The following IL7R variants were observed in gnomAD, a reference collection of about 807,000 sequenced individuals.
IL7R encodes the protein interleukin-7 receptor subunit alpha.
Under a neutral mutation model 47.0 loss-of-function variants are expected in IL7R, and 38 were observed. That is an observed-to-expected ratio of 0.81 (90% CI 0.62 to 1.06). The LOEUF is 1.06. IL7R is among the 50% of genes least tolerant of loss of function. The pLI is 0.00. For missense variants in IL7R, 633 were observed against 534.8 expected, an observed-to-expected ratio of 1.18 and a Z score of -1.81; for synonymous variants, 221 against 199.8, an observed-to-expected ratio of 1.11 and a Z score of -0.89.
At chr5:35,862,038 T>A (rs2077892018) in intron 2 of IL7R, among the ~76,000 whole-genome samples, 1 of 152,166 alleles carries the variant, frequency 6.6e-6, no homozygotes, top group South Asian at 2.1e-4. Flanking sequence ...GCTTCCTGCA[T>A]CTATTTATGG....
In IL7R at chr5:35,876,597, C is replaced by A. The variant is rs138148579; in HGVS notation, c.*111C>A. On this transcript the variant is annotated 3_prime_UTR_variant, in exon 8 of 8. Coordinates refer to ENST00000303115, the MANE Select transcript of IL7R (RefSeq NM_002185.5). ...ACAGAGAAGACAAAATTAGCAAAAC[C>A]CCACTACACAGTCTGCAAGATTCTG... 5.3e-5 allele frequency: 60 copies of A among 1,128,020 alleles called. No homozygotes were observed. In the African/African-American group the frequency reaches 7.2e-4, roughly 14 times the overall value. 69.9% of individuals were successfully genotyped at this position (1,128,020 alleles called of 1,614,324 possible).
At position 35,877,779 on chromosome 5, in the gene IL7R, C is replaced by T; in HGVS notation, c.*1293C>T. 4.3e-6 allele frequency: 1 copy of T among 233,224 alleles called. No individual in the cohort carries two copies. The highest frequency in any genetic ancestry group is 8.5e-6 in the Non-Finnish European group (1 of 118,032). 14.4% of individuals were successfully genotyped at this position (233,224 alleles called of 1,614,324 possible). On this transcript the variant is annotated 3_prime_UTR_variant, in exon 8 of 8. Transcript: ENST00000303115. ...TTAATGCTTGACATATATCATCTTG[C>T]CTTTCTTGGTCTAGACTGACTTCTA... is the stretch of plus-strand genomic sequence containing the variant.
In IL7R at chr5:35,876,379, A is replaced by T. The variant is rs1179271375; in HGVS notation, c.1273A>T (p.Ile425Phe). ...CCCTCCATTTTCTCTCCAATCTGGAATCCTGACATTGAACCCAGTTGCTCA... is the reference window on the plus strand; with the variant it reads ...CCCTCCATTTTCTCTCCAATCTGGATTCCTGACATTGAACCCAGTTGCTCA... The part of the protein sequence containing the change: ...LPPPFSLQSG[I>F]LTLNPVAQGQ... The change falls in exon 8 of 8, where the codon ATC becomes TTC. Residue 425 changes from isoleucine (I) to phenylalanine (F), a missense_variant. Coordinates refer to ENST00000303115, the MANE Select transcript of IL7R (RefSeq NM_002185.5). 1.2e-6 allele frequency: 2 copies of T among 1,613,614 alleles called. No individual in the cohort carries two copies. Among genetic ancestry groups the T allele is most frequent in the African/African-American group, 2.7e-5 (2 of 74,888 alleles).
At chr5:35,872,176 A>C (rs2149902463) in intron 4 of IL7R, among the ~76,000 whole-genome samples, 1 of 152,326 alleles carries the variant, frequency 6.6e-6, no homozygotes, top group South Asian at 2.1e-4. Flanking sequence ...AGTTAACTAA[A>C]AAGAAAAATA....
Position 35,867,449 on chromosome 5 carries a change from A to G in IL7R, c.365A>G (p.Asp122Gly), listed in dbSNP as rs1302768896. 6.2e-7 allele frequency: 1 copy of G among 1,613,032 alleles called. No homozygotes were observed. Among genetic ancestry groups the G allele is most frequent in the East Asian group, 2.2e-5 (1 of 44,862 alleles). ...AAGAGTCTAACCTGCAAAAAAATAG[A>G]CCTAACCACTATAGGTAAGAAGTTG... Reference protein sequence around the residue: ...GEKSLTCKKIDLTTIVKPEAP... With the variant: ...GEKSLTCKKIGLTTIVKPEAP... The change falls in exon 3 of 8, where the codon GAC (aspartate) becomes GGC (glycine). Residue 122 changes from aspartate to glycine, a missense_variant. Coordinates refer to ENST00000303115, the MANE Select transcript of IL7R (RefSeq NM_002185.5).
At chr5:35,858,307 A>G (rs1186384308) in intron 1 of IL7R, among the ~76,000 whole-genome samples, 3 of 152,210 alleles carry the variant, frequency 2.0e-5, no homozygotes, top group African/African-American at 4.8e-5. Context: ...TTTGGGGTAT[A>G]GGAATTCACA....
chr5:35,873,726 T>A (rs2149903565), intron 5 of IL7R, 78 bp downstream of exon 5: 2 of 1,358,600 alleles, frequency 1.5e-6, no homozygotes, highest in East Asian at 4.6e-5. Flanking sequence ...AGAGGAAGAT[T>A]GTTGAAACTA....
chr5:35,865,983 G>A (rs757028255), intron 2 of IL7R, among the ~76,000 whole-genome samples: 4 of 152,080 alleles, frequency 2.6e-5, no homozygotes, highest in East Asian at 1.9e-4. Flanking sequence ...TATTCCTGTC[G>A]TGTCCTGGTC....
intron 1 of IL7R, among the ~76,000 whole-genome samples, chr5:35,857,929 A>G (rs781191074): frequency 6.6e-6 from 1 of 152,178 alleles, no homozygotes; most frequent in African/African-American, 2.4e-5. Context: ...CAGCCTAATG[A>G]CTCAGCTTAT....
In IL7R at chr5:35,876,297, G is replaced by T. The variant is rs1760214266; in HGVS notation, c.1191G>T (p.Gly397=). The change falls in exon 8 of 8, where the codon GGG becomes GGT. Residue 397 remains glycine (G), a synonymous_variant. Transcript: ENST00000303115. ...SLDCRESGKN[G]PHVYQDLLLS... ...ACTGCAGGGAGAGTGGCAAGAATGGGCCTCATGTGTACCAGGACCTCCTGC... is the reference window on the plus strand; with the variant it reads ...ACTGCAGGGAGAGTGGCAAGAATGGTCCTCATGTGTACCAGGACCTCCTGC... 1 of 1,613,958 alleles carries T rather than the reference G, an allele frequency of 6.2e-7. No individual in the cohort carries two copies. Among genetic ancestry groups the T allele is most frequent in the Non-Finnish European group, 8.5e-7 (1 of 1,179,920 alleles).
At chr5:35,872,039 C>T (rs775104482) in intron 4 of IL7R, among the ~76,000 whole-genome samples, 2 of 152,116 alleles carry the variant, frequency 1.3e-5, no homozygotes, top group African/African-American at 2.4e-5. Flanking sequence ...CCACCTGCTC[C>T]CTCCTTCTAC....
chr5:35,874,391 A>G (rs542356298), intron 5 of IL7R, 58 bp from the exon 6 acceptor site: 2 of 1,121,866 alleles, frequency 1.8e-6, no homozygotes, highest in Admixed American at 1.7e-5. Flanking sequence ...GCACCCTGAG[A>G]CCCTACCCCC....
Position 35,860,969 on chromosome 5 carries a change from C to G in IL7R, c.200C>G (p.Thr67Ser). The G allele has an allele frequency of 6.2e-7, 1 of 1,613,416 alleles. No homozygotes were observed. The highest frequency in any genetic ancestry group is 8.5e-7 in the Non-Finnish European group (1 of 1,179,446). Residue 67 changes from threonine (T) to serine (S), a missense_variant, in exon 2 of 8, where the codon ACC (threonine) becomes AGC (serine). Thr to Ser is a moderately conservative substitution (Grantham distance 58). Coordinates refer to ENST00000303115, the MANE Select transcript of IL7R (RefSeq NM_002185.5). ...CAFEDPDVNITNLEFEICGAL... is the reference protein window; with the variant it reads ...CAFEDPDVNISNLEFEICGAL... ...TTTGAGGACCCAGATGTCAACATCA[C>G]CAATCTGGAATTTGAAATATGGTGA... is the stretch of plus-strand genomic sequence containing the variant.
intron 2 of IL7R, 129 bp from the exon 3 acceptor site, chr5:35,867,177 C>T: frequency 1.3e-6 from 1 of 761,402 alleles, no homozygotes; most frequent in Non-Finnish European, 2.3e-6. Flanking sequence ...GAACATGCCT[C>T]CACTCACCCA....
intron 3 of IL7R, among the ~76,000 whole-genome samples, chr5:35,868,609 G>T (rs1321391866): frequency 6.6e-6 from 1 of 152,256 alleles, no homozygotes; most frequent in East Asian, 1.9e-4. Context: ...AAAAAGTTGG[G>T]TTCTGATCAT....
chr5:35,873,467 C>A lies in IL7R; in HGVS notation c.538-13C>A. The A allele has an allele frequency of 1.2e-6, 2 of 1,612,038 alleles. No individual in the cohort carries two copies. The highest frequency in any genetic ancestry group is 2.2e-5 in the South Asian group (2 of 91,038). ...TTCCCATCCTAAGAATGTAACTGCA[C>A]TCTACTCTCTAGCATGTGAATTTAT... On this transcript the variant is annotated splice_polypyrimidine_tract_variant and intron_variant, in intron 4 of 7. Transcript: ENST00000303115.
chr5:35,873,458 G>T, intron 4 of IL7R, 22 bp from the exon 5 acceptor site: 1 of 1,608,634 alleles, frequency 6.2e-7, no homozygotes, highest in Non-Finnish European at 8.5e-7. Flanking sequence ...TCCTAAGAAT[G>T]TAACTGCACT....
chr5:35,859,752 C>A (rs987722001), intron 1 of IL7R, among the ~76,000 whole-genome samples: 3 of 152,130 alleles, frequency 2.0e-5, no homozygotes, highest in African/African-American at 7.2e-5. Flanking sequence ...GTCTCTGGGA[C>A]AATCAACTGG....
chr5:35,871,906 A>G (rs984097003), intron 4 of IL7R, among the ~76,000 whole-genome samples: 12 of 152,106 alleles, frequency 7.9e-5, no homozygotes, highest in Non-Finnish European at 1.6e-4. Context: ...AGAAGAGATG[A>G]TGATTTCTCT....
Sources: gnomAD v4.1 joint callset for allele counts (sites outside exome capture counted in the v4.1 genomes callset) on GRCh38, gnomAD v4.1.1 for gene constraint, MANE v1.5 for transcripts, NCBI Gene and HGNC (gene_info 2026-07-23, HGNC 2026-07-21) for gene names.